The following SLC25A26 variants were observed in gnomAD, a reference collection of about 807,000 sequenced individuals.
SLC25A26 encodes the protein solute carrier family 25 member 26, also known as mitochondrial S-adenosylmethionine carrier protein.
In SLC25A26, 36 loss-of-function variants were observed where a neutral mutation model predicts 37.8. The observed-to-expected ratio is 0.95, with a 90% CI of 0.73 to 1.26. The LOEUF is 1.26. Ranked by LOEUF, SLC25A26 falls within the 50% of genes most tolerant of loss-of-function variation. The pLI, the probability that SLC25A26 is intolerant of heterozygous loss-of-function variation, is 0.00. For missense variants in SLC25A26, 390 were observed against 331.1 expected (o/e 1.18, Z -1.38); for synonymous variants, 129 against 122.5 (o/e 1.05, Z -0.35).
chr3:66,357,502 T>C (rs572803550), intron 6 of SLC25A26, among the ~76,000 whole-genome samples: 3 of 152,316 alleles, frequency 2.0e-5, no homozygotes, highest in Admixed American at 6.5e-5. Flanking sequence ...GGCCCCTTGC[T>C]TTTTAAATTC....
chr3:66,184,268 C>G (rs548317761), intron 1 of SLC25A26, among the ~76,000 whole-genome samples: 1 of 152,060 alleles, frequency 6.6e-6, no homozygotes, highest in African/African-American at 2.4e-5. Flanking sequence ...TAACTCTGAC[C>G]CTTGGACTTT....
chr3:66,351,563 G>T (rs887907691), intron 6 of SLC25A26, among the ~76,000 whole-genome samples: 6 of 152,004 alleles, frequency 3.9e-5, no homozygotes, highest in Non-Finnish European at 5.9e-5. Flanking sequence ...CATGTTTATA[G>T]CTCCATGGCA....
chr3:66,372,834 C>T (rs1700419842), intron 9 of SLC25A26, among the ~76,000 whole-genome samples: 2 of 152,172 alleles, frequency 1.3e-5, no homozygotes, highest in Admixed American at 6.5e-5. Context: ...AAGCACACAG[C>T]GCTGCTGCCA....
chr3:66,238,276 AACT>A (rs782124301), intron 2 of SLC25A26, among the ~76,000 whole-genome samples: 22 of 135,374 alleles, frequency 1.6e-4, no homozygotes, highest in African/African-American at 6.9e-4. Flanking sequence ...CCCAAAACTT[AACT>A]ACTGATAGCC....
intron 5 of SLC25A26, among the ~76,000 whole-genome samples, chr3:66,302,824 G>C (rs2075114155): frequency 6.6e-6 from 1 of 152,158 alleles, no homozygotes; most frequent in Non-Finnish European, 1.5e-5. Flanking sequence ...AGAAAATTGA[G>C]ATATGGGAGA....
At chr3:66,335,769 C>T (rs1020593116) in intron 5 of SLC25A26, among the ~76,000 whole-genome samples, 2 of 152,146 alleles carry the variant, frequency 1.3e-5, no homozygotes, top group Admixed American at 6.5e-5. Flanking sequence ...TTCTGTCTTC[C>T]GACCATACAG....
intron 1 of SLC25A26, among the ~76,000 whole-genome samples, chr3:66,225,265 C>T (rs1341745502): frequency 6.6e-6 from 1 of 152,240 alleles, no homozygotes. Context: ...TTCCGTACAT[C>T]ATCTGAAATC....
intron 1 of SLC25A26, among the ~76,000 whole-genome samples, chr3:66,143,722 A>G (rs1240861043): frequency 1.3e-5 from 2 of 152,148 alleles, no homozygotes; most frequent in African/African-American, 4.8e-5. Flanking sequence ...CATGTCTACA[A>G]AAAATACAAA....
At chr3:66,191,359 C>T (rs1381768241) in intron 1 of SLC25A26, among the ~76,000 whole-genome samples, 4 of 152,170 alleles carry the variant, frequency 2.6e-5, no homozygotes, top group Non-Finnish European at 5.9e-5. Context: ...TGTGCCACTG[C>T]ACTCCAGCCT....
At chr3:66,175,496 A>G (rs1236925627) in intron 1 of SLC25A26, among the ~76,000 whole-genome samples, 4 of 152,146 alleles carry the variant, frequency 2.6e-5, no homozygotes, top group Non-Finnish European at 5.9e-5. Flanking sequence ...AAGTGCTGGG[A>G]TTACAGGCAT....
chr3:66,376,013 G>A (rs1225943706), intron 9 of SLC25A26, among the ~76,000 whole-genome samples: 3 of 150,038 alleles, frequency 2.0e-5, no homozygotes, highest in Non-Finnish European at 4.4e-5. Flanking sequence ...GGAAGAAGTT[G>A]ATTCCAATCC....
At chr3:66,175,191 TAC>T (rs1178437104) in intron 1 of SLC25A26, among the ~76,000 whole-genome samples, 5 of 148,176 alleles carry the variant, frequency 3.4e-5, no homozygotes, top group Non-Finnish European at 6.0e-5. Context: ...TACATATATA[TAC>T]ACACACACAC....
rs373807637 is a variant in SLC25A26 at position 66,377,686 on chromosome 3, C to T, written c.708-4C>T. On this transcript the variant is annotated splice_polypyrimidine_tract_variant and splice_region_variant and intron_variant, in intron 9 of 9. Coordinates refer to ENST00000354883, the MANE Select transcript of SLC25A26 (RefSeq NM_001379210.1). ...AACATTAAAAATCCTGTTTTTTCCCCTAGATTATTTGCAGGTGTCTTCCCT... is the reference window on the plus strand; with the variant it reads ...AACATTAAAAATCCTGTTTTTTCCCTTAGATTATTTGCAGGTGTCTTCCCT... The T allele has an allele frequency of 1.5e-5, 24 of 1,608,602 alleles. No individual in the cohort carries two copies. The African/African-American group carries it at 2.0e-4, about 13-fold the overall frequency.
chr3:66,289,916 C>T (rs559884492), intron 5 of SLC25A26, among the ~76,000 whole-genome samples: 5 of 152,094 alleles, frequency 3.3e-5, no homozygotes, highest in Non-Finnish European at 7.3e-5. Context: ...AGCAGTATGG[C>T]CATTTTCACG....
At chr3:66,209,273 T>G (rs1345142675) in intron 1 of SLC25A26, among the ~76,000 whole-genome samples, 1 of 140,048 alleles carries the variant, frequency 7.1e-6, no homozygotes, top group African/African-American at 2.6e-5. Flanking sequence ...TGTGTATATA[T>G]GTATGTATAT....
chr3:66,349,667 A>G (rs768778490), intron 6 of SLC25A26, among the ~76,000 whole-genome samples: 1 of 152,178 alleles, frequency 6.6e-6, no homozygotes, highest in East Asian at 1.9e-4. Flanking sequence ...AAGTATTTGC[A>G]TATAGTATTG....
chr3:66,149,465 C>A (rs944591418), intron 1 of SLC25A26, among the ~76,000 whole-genome samples: 5 of 152,194 alleles, frequency 3.3e-5, no homozygotes, highest in African/African-American at 1.2e-4. Context: ...TCATATGTTA[C>A]TTTGAGGTAT....
chr3:66,370,523 A>C lies in SLC25A26; in HGVS notation c.634-6A>C. ...ATAACGGGTTTCTCTTTGTCTGTTC[A>C]CACAGGCTGGCTCCAGCACTGCTGA... On this transcript the variant is annotated splice_region_variant and splice_polypyrimidine_tract_variant and intron_variant, in intron 8 of 9. Coordinates refer to ENST00000354883, the MANE Select transcript of SLC25A26 (RefSeq NM_001379210.1). 1 of 1,613,346 alleles carries C rather than the reference A, an allele frequency of 6.2e-7. No individual in the cohort carries two copies. The highest frequency in any genetic ancestry group is 2.2e-5 in the East Asian group (1 of 44,876).
chr3:66,244,844 G>T (rs1418294013), intron 3 of SLC25A26, among the ~76,000 whole-genome samples: 1 of 152,000 alleles, frequency 6.6e-6, no homozygotes, highest in Admixed American at 6.5e-5. Flanking sequence ...GGGTGTGGTG[G>T]TGGGTGCCTG....
Sources: gnomAD v4.1 joint callset for allele counts (sites outside exome capture counted in the v4.1 genomes callset) on GRCh38, gnomAD v4.1.1 for gene constraint, MANE v1.5 for transcripts, NCBI Gene and HGNC (gene_info 2026-07-23, HGNC 2026-07-21) for gene names.